THPO: variants seen among roughly 807,000 people sequenced by gnomAD.
The protein encoded by THPO is thrombopoietin.
Under a neutral mutation model 17.0 loss-of-function variants are expected in THPO, and 12 were observed. The ratio of observed to expected loss-of-function variants is 0.71; its 90% CI spans 0.45 to 1.14. The LOEUF (loss-of-function observed/expected upper bound fraction) is 1.14, where lower values mean the gene tolerates loss of function less well. Among genes scored for constraint, THPO ranks in the 50% most tolerant of loss-of-function variants. THPO has a pLI of 0.00. For missense variants in THPO, 365 were observed against 427.5 expected (o/e 0.85, Z 1.29); for synonymous variants, 188 against 183.0 (o/e 1.03, Z -0.22).
Position 184,373,233 on chromosome 3 carries a change from C to T in THPO, c.397-55G>A, listed in dbSNP as rs772921375. The T allele has an allele frequency of 6.2e-6, 10 of 1,601,830 alleles. No homozygotes were observed. The African/African-American group carries it at 1.1e-4, about 17-fold the overall frequency. On this transcript the variant is annotated intron_variant, in intron 5 of 5. Transcript: ENST00000647395. ...ACACCAGGGCCAGATCTCAGGCCTC[C>T]CTTGTCTAAGTAGGAAAGACAGGAT...
At chr3:184,379,634 C>T (rs915949137), upstream of THPO, among the ~76,000 whole-genome samples, 5 of 152,122 alleles carry the variant, frequency 3.3e-5, no homozygotes, top group African/African-American at 1.2e-4. Flanking sequence ...CTTCATCCTT[C>T]GGGCGGAACC....
At position 184,372,427 on chromosome 3, in the gene THPO, A is replaced by G. The variant is rs528169923; in HGVS notation, c.*86T>C. The G allele has an allele frequency of 4.6e-6, 7 of 1,532,066 alleles. No individual in the cohort carries two copies. The highest frequency in any genetic ancestry group is 6.3e-6 in the Non-Finnish European group (7 of 1,107,298). 94.9% of individuals were successfully genotyped at this position (1,532,066 alleles called of 1,614,324 possible). On this transcript the variant is annotated 3_prime_UTR_variant, in exon 6 of 6. Coordinates refer to ENST00000647395, the MANE Select transcript of THPO (RefSeq NM_000460.4). Reference sequence around the variant, plus strand: ...TTTGGGTTTCAGGAGAAAGTAGGAAATCTTGTCCAGTTGTCTCCCAGGGGC... The same window carrying G: ...TTTGGGTTTCAGGAGAAAGTAGGAAGTCTTGTCCAGTTGTCTCCCAGGGGC...
chr3:184,372,856 A>C lies in THPO; in HGVS notation c.719T>G (p.Leu240Arg). ...GTTCAGGTATCCGGGGATTTGGTCCAGGGACCTGGAGGTTTGGTTCAGCAG... is the reference window on the plus strand; with the variant it reads ...GTTCAGGTATCCGGGGATTTGGTCCCGGGACCTGGAGGTTTGGTTCAGCAG... Reference protein sequence around the residue: ...PGLLNQTSRSLDQIPGYLNRI... With the variant: ...PGLLNQTSRSRDQIPGYLNRI... Residue 240 changes from leucine (L) to arginine (R), a missense_variant, in exon 6 of 6, where the codon CTG becomes CGG. Coordinates refer to ENST00000647395, the MANE Select transcript of THPO (RefSeq NM_000460.4). 1 of 1,614,170 alleles carries C rather than the reference A, an allele frequency of 6.2e-7. No individual in the cohort carries two copies. Among genetic ancestry groups the C allele is most frequent in the Non-Finnish European group, 8.5e-7 (1 of 1,180,034 alleles).
At chr3:184,373,803 C>T (rs1344070740) in intron 4 of THPO, among the ~76,000 whole-genome samples, 1 of 152,228 alleles carries the variant, frequency 6.6e-6, no homozygotes, top group Non-Finnish European at 1.5e-5. Context: ...TGGTCTTACA[C>T]TTGGTTTCAG....
rs1231201913 is a variant in THPO, at chr3:184,373,004, T to G, written c.571A>C (p.Thr191Pro). The G allele has an allele frequency of 1.9e-6, 3 of 1,614,114 alleles. No individual in the cohort carries two copies. In the South Asian group the frequency reaches 3.3e-5, roughly 18 times the overall value. Residue 191 changes from threonine to proline, a missense_variant, in exon 6 of 6, where the codon ACA (threonine) becomes CCA (proline). By Grantham distance (38) the Thr-to-Pro change is conservative. Coordinates refer to ENST00000647395, the MANE Select transcript of THPO (RefSeq NM_000460.4). Reference sequence around the variant, plus strand: ...GTCCTGTTTGGGAGCTCGTTCAGTGTGAGGACTAGAGAGGTTCTGCTGGGG... The same window carrying G: ...GTCCTGTTTGGGAGCTCGTTCAGTGGGAGGACTAGAGAGGTTCTGCTGGGG... The part of the protein sequence containing the change: ...AVPSRTSLVL[T>P]LNELPNRTSG...
intron 1 of THPO, among the ~76,000 whole-genome samples, chr3:184,376,845 CA>C (rs577828569): frequency 4.9e-4 from 64 of 131,472 alleles, no homozygotes; most frequent in East Asian, 6.7e-4. Flanking sequence ...AACTCCGTCT[CA>C]AAAAAAAAAA....
rs570220657 is a variant in THPO, at chr3:184,372,759, C to T, written c.816G>A (p.Pro272=). 9.7e-5 allele frequency: 156 copies of T among 1,613,710 alleles called. 2 individuals carry two copies. The South Asian group carries it at 1.6e-3, about 16-fold the overall frequency. The part of the protein sequence containing the change: ...PGPSRRTLGA[P]DISSGTSDTG... ...TGTCTGATGTTCCTGAGGAAATGTCCGGGGCTCCTAGGGTCCTGCGTGAGG... is the reference window on the plus strand; with the variant it reads ...TGTCTGATGTTCCTGAGGAAATGTCTGGGGCTCCTAGGGTCCTGCGTGAGG... The change falls in exon 6 of 6, where the codon CCG becomes CCA. Residue 272 remains proline, a synonymous_variant. Transcript: ENST00000647395.
At chr3:184,374,143 G>A (rs948119485) in intron 4 of THPO, among the ~76,000 whole-genome samples, 9 of 152,138 alleles carry the variant, frequency 5.9e-5, no homozygotes, top group East Asian at 5.8e-4. Flanking sequence ...CAGGAGAATC[G>A]CTTGAATCCG....
chr3:184,378,713 G>A (rs1170350732), upstream of THPO: 3 of 773,650 alleles, frequency 3.9e-6, no homozygotes, highest in East Asian at 2.5e-4. Context: ...TGTCAGGTGC[G>A]GGGCACATGT....
chr3:184,376,440 T>C (rs746553456), intron 1 of THPO, 36 bp from the exon 2 acceptor site: 612 of 1,498,824 alleles, frequency 4.1e-4, no homozygotes, highest in Non-Finnish European at 4.9e-4. Flanking sequence ...TTTAACCAAG[T>C]TTCTAGGAAG....
At chr3:184,375,471 A>G (rs776480159) in intron 4 of THPO, 44 bp downstream of exon 4, 1 of 1,583,782 alleles carries the variant, frequency 6.3e-7, no homozygotes, top group East Asian at 2.2e-5. Context: ...TGGGAAACTG[A>G]AGACAGGACT....
At position 184,376,244 on chromosome 3, in the gene THPO, C is replaced by T. The variant is rs1714390295; in HGVS notation, c.13+3G>A. On this transcript the variant is annotated splice_donor_region_variant and intron_variant, in intron 2 of 5. Transcript: ENST00000647395. ...GGCCCTAGCCCCTCAGGTGTGTTCT[C>T]ACCAGTCAGCTCCATTCTGGCCGGG... 1 of 1,614,158 alleles carries T rather than the reference C, an allele frequency of 6.2e-7. No individual in the cohort carries two copies. The highest frequency in any genetic ancestry group is 1.1e-5 in the South Asian group (1 of 91,078).
rs773045334 is a variant in THPO, at chr3:184,372,685, G to A, written c.890C>T (p.Thr297Ile). Residue 297 changes from threonine (T) to isoleucine (I), a missense_variant, in exon 6 of 6, where the codon ACC becomes ATC. Transcript: ENST00000647395. ...NLQPGYSPSP[T>I]HPPTGQYTLF... ...CGTATACTGTCCAGTAGGAGGATGGGTTGGGGAAGGAGAATATCCAGGCTG... is the reference window on the plus strand; with the variant it reads ...CGTATACTGTCCAGTAGGAGGATGGATTGGGGAAGGAGAATATCCAGGCTG... 15 of 1,613,240 alleles carry A rather than the reference G, an allele frequency of 9.3e-6. No homozygotes were observed. The highest frequency in any genetic ancestry group is 1.1e-5 in the South Asian group (1 of 91,056).
intron 4 of THPO, among the ~76,000 whole-genome samples, chr3:184,374,678 T>G (rs1190941663): frequency 6.6e-6 from 1 of 152,230 alleles, no homozygotes; most frequent in Non-Finnish European, 1.5e-5. Context: ...AATTTAATTC[T>G]CTCAGATCCT....
intron 2 of THPO, 86 bp downstream of exon 2, chr3:184,376,161 C>A: frequency 6.2e-7 from 1 of 1,612,956 alleles, no homozygotes; most frequent in South Asian, 1.1e-5. Context: ...GTTCCCCCAG[C>A]TTCCTGCCCC....
At chr3:184,373,727 TCA>T in intron 4 of THPO, 145 bp from the exon 5 acceptor site, 1 of 934,828 alleles carries the variant, frequency 1.1e-6, no homozygotes, top group Non-Finnish European at 1.7e-6. Flanking sequence ...AGGAATTCCT[TCA>T]CAGTCTCCCG....
chr3:184,377,316 T>C (rs1348650312), intron 1 of THPO, among the ~76,000 whole-genome samples: 1 of 152,208 alleles, frequency 6.6e-6, no homozygotes, highest in Non-Finnish European at 1.5e-5. Flanking sequence ...AGCTTTTCTC[T>C]GGACTCCAAG....
chr3:184,376,382 G>A lies in THPO; in HGVS notation c.-123C>T, dbSNP rs535707667. On this transcript the variant is annotated 5_prime_UTR_variant, in exon 2 of 6. Coordinates refer to ENST00000647395, the MANE Select transcript of THPO (RefSeq NM_000460.4). ...GGGCAGAGTAGGGTGGGGCAAAGGC[G>A]GGCCAAGGGTGAAGAATCTATCCTG... The A allele has an allele frequency of 7.4e-5, 119 of 1,606,130 alleles. No individual in the cohort carries two copies. The highest frequency in any genetic ancestry group is 5.4e-4 in the East Asian group (24 of 44,784).
chr3:184,373,545 G>A lies in THPO; in HGVS notation c.266C>T (p.Thr89Ile), dbSNP rs751523557. The change falls in exon 5 of 6, where the codon ACC (threonine) becomes ATC (isoleucine). Residue 89 changes from threonine (T) to isoleucine (I), a missense_variant. Physicochemically the swap from Thr to Ile is moderately conservative, Grantham distance 89. Coordinates refer to ENST00000647395, the MANE Select transcript of THPO (RefSeq NM_000460.4). Reference sequence around the variant, plus strand: ...TGCCATCACTCCCTCCAGCAGAAGGGTCACTGCTCCCAGAATGTCCTGTGC... The same window carrying A: ...TGCCATCACTCCCTCCAGCAGAAGGATCACTGCTCCCAGAATGTCCTGTGC... ...TKAQDILGAV[T>I]LLLEGVMAAR... 6 of 1,614,042 alleles carry A rather than the reference G, an allele frequency of 3.7e-6. No individual in the cohort carries two copies. The African/African-American group carries it at 5.3e-5, about 14-fold the overall frequency.
Sources: gnomAD v4.1 joint callset for allele counts (sites outside exome capture counted in the v4.1 genomes callset) on GRCh38, gnomAD v4.1.1 for gene constraint, MANE v1.5 for transcripts, NCBI Gene and HGNC (gene_info 2026-07-23, HGNC 2026-07-21) for gene names.